The following DENND6A variants were observed in gnomAD, a reference collection of about 807,000 sequenced individuals.
The protein encoded by DENND6A is DENN domain containing 6A, also known as protein DENND6A.
In DENND6A, 43 loss-of-function variants were observed where a neutral mutation model predicts 95.5. The ratio of observed to expected loss-of-function variants is 0.45; its 90% CI spans 0.35 to 0.58. The LOEUF (loss-of-function observed/expected upper bound fraction) is 0.58, where lower values mean the gene tolerates loss of function less well. DENND6A is among the 20% of genes least tolerant of loss of function. DENND6A has a pLI of 0.00. For synonymous variants in DENND6A, 257 were observed against 260.4 expected, an observed-to-expected ratio of 0.99 and a Z score of 0.13; for missense variants, 574 against 736.0, an observed-to-expected ratio of 0.78 and a Z score of 2.55.
At chr3:57,678,762 C>A (rs7616604) in intron 1 of DENND6A, among the ~76,000 whole-genome samples, 1 of 152,120 alleles carries the variant, frequency 6.6e-6, no homozygotes, top group African/African-American at 2.4e-5. Flanking sequence ...TAAGCAACTT[C>A]ATTTTAAACT....
rs55790297 is a variant in DENND6A at position 57,659,098 on chromosome 3, C to T, written c.762+20G>A. 0.019 allele frequency: 30,978 copies of T among 1,613,254 alleles called. 402 individuals are homozygous for T. Among genetic ancestry groups the T allele is most frequent in the Admixed American group, 0.022 (1,326 of 60,016 alleles). On this transcript the variant is annotated intron_variant, in intron 8 of 19. Coordinates refer to ENST00000311128, the MANE Select transcript of DENND6A (RefSeq NM_152678.3). ...GAGACTATATATGTGCTGGATCATT[C>T]TACCATAGTACCACACTACCTGCTG...
chr3:57,661,031 T>C (rs984503994), intron 6 of DENND6A, among the ~76,000 whole-genome samples, 192 bp from the exon 7 acceptor site: 1 of 152,192 alleles, frequency 6.6e-6, no homozygotes, highest in African/African-American at 2.4e-5. Flanking sequence ...ACACATGTTC[T>C]AGGATATAAA....
intron 1 of DENND6A, among the ~76,000 whole-genome samples, chr3:57,680,499 A>G (rs1394301467): frequency 2.0e-5 from 3 of 152,176 alleles, no homozygotes; most frequent in Non-Finnish European, 4.4e-5. Flanking sequence ...TATGAATCAG[A>G]AAGAGTACCC....
chr3:57,631,289 C>T (rs555453886), intron 15 of DENND6A: 113 of 212,294 alleles, frequency 5.3e-4, no homozygotes, highest in Non-Finnish European at 7.7e-4. Context: ...CTCTGCCCCC[C>T]GGGTTCAAGC....
intron 1 of DENND6A, among the ~76,000 whole-genome samples, chr3:57,675,927 C>T (rs904496716): frequency 1.3e-5 from 2 of 152,122 alleles, no homozygotes; most frequent in African/African-American, 4.8e-5. Flanking sequence ...GATTTTCAAA[C>T]ATTATACCGG....
chr3:57,660,344 T>A (rs143853226), intron 7 of DENND6A, among the ~76,000 whole-genome samples: 81 of 152,080 alleles, frequency 5.3e-4, no homozygotes, highest in African/African-American at 1.8e-3. Context: ...CCATGCCCCG[T>A]TAATTTTTTT....
At chr3:57,658,306 A>G (rs2071365153) in intron 8 of DENND6A, among the ~76,000 whole-genome samples, 1 of 151,992 alleles carries the variant, frequency 6.6e-6, no homozygotes. Flanking sequence ...AGGAAGGAGG[A>G]TCACTTGATG....
rs960970966 is a variant in DENND6A, at chr3:57,660,931, A to G, written c.620-92T>C. 7.8e-5 allele frequency: 88 copies of G among 1,125,204 alleles called. No homozygotes were observed. In the African/African-American group the frequency reaches 1.2e-3, roughly 16 times the overall value. The allele number at this position is 1,125,204 out of a possible 1,614,324, so 69.7% of individuals were successfully genotyped here. Reference sequence around the variant, plus strand: ...TAGAAATAAGAACACTACTTTCCATACAGCAGAAAAAATATACCTGGAAGA... The same window carrying G: ...TAGAAATAAGAACACTACTTTCCATGCAGCAGAAAAAATATACCTGGAAGA... On this transcript the variant is annotated intron_variant, in intron 6 of 19. Coordinates refer to ENST00000311128, the MANE Select transcript of DENND6A (RefSeq NM_152678.3).
At position 57,625,783 on chromosome 3, in the gene DENND6A, A is replaced by G. The variant is rs1379560444; in HGVS notation, c.*2431T>C. On this transcript the variant is annotated 3_prime_UTR_variant, in exon 20 of 20. Transcript: ENST00000311128. ...AACTAGGTATGATATGGTTTTCAAC[A>G]TGTGTTAGGTTTCAGTTAAATACAG... 6.6e-6 allele frequency: 1 copy of G among 152,558 alleles called. No homozygotes were observed. The highest frequency in any genetic ancestry group is 1.9e-4 in the East Asian group (1 of 5,198). The allele number at this position is 152,558 out of a possible 1,614,324, so 9.5% of individuals were successfully genotyped here. A position where few individuals can be genotyped will look rare whatever the true frequency, so the allele number is the denominator to read the frequency against.
chr3:57,682,667 T>C (rs979313348), intron 1 of DENND6A, among the ~76,000 whole-genome samples: 1 of 151,930 alleles, frequency 6.6e-6, no homozygotes, highest in Non-Finnish European at 1.5e-5. Flanking sequence ...ACTGACTATA[T>C]GGTTTTTTTT....
chr3:57,692,571 G>C (rs1300650048), intron 1 of DENND6A, among the ~76,000 whole-genome samples: 1 of 152,244 alleles, frequency 6.6e-6, no homozygotes, highest in African/African-American at 2.4e-5. Flanking sequence ...GAGGGGCCTA[G>C]AGAGAACTTT....
At chr3:57,667,963 G>A (rs2071551176) in intron 3 of DENND6A, among the ~76,000 whole-genome samples, 1 of 152,038 alleles carries the variant, frequency 6.6e-6, no homozygotes, top group Non-Finnish European at 1.5e-5. Flanking sequence ...CTACTCAGGA[G>A]GCTGAGGCAG....
rs1300366529 is a variant in DENND6A at position 57,626,079 on chromosome 3, T to C, written c.*2135A>G. ...ACTTTTAGCATATAAAAGTAGTTGCTCCTTTTCTGAAAAGTCAGCTGTTGT... is the reference window on the plus strand; with the variant it reads ...ACTTTTAGCATATAAAAGTAGTTGCCCCTTTTCTGAAAAGTCAGCTGTTGT... On this transcript the variant is annotated 3_prime_UTR_variant, in exon 20 of 20. Transcript: ENST00000311128. The C allele has an allele frequency of 6.5e-6, 1 of 152,778 alleles. No homozygotes were observed. The highest frequency in any genetic ancestry group is 2.1e-4 in the South Asian group (1 of 4,834). The allele number at this position is 152,778 out of a possible 1,614,324, so 9.5% of individuals were successfully genotyped here. A position where few individuals can be genotyped will look rare whatever the true frequency, so the allele number is the denominator to read the frequency against.
chr3:57,688,221 C>G (rs2077229020), intron 1 of DENND6A, among the ~76,000 whole-genome samples: 1 of 152,050 alleles, frequency 6.6e-6, no homozygotes, highest in Non-Finnish European at 1.5e-5. Context: ...GTCTCGAACT[C>G]CTGACCTCAA....
chr3:57,636,080 CTG>C (rs1403155858), intron 12 of DENND6A, among the ~76,000 whole-genome samples: 1 of 152,098 alleles, frequency 6.6e-6, no homozygotes, highest in African/African-American at 2.4e-5. Context: ...TGTTAATTGA[CTG>C]TTTATGTTAT....
chr3:57,679,614 G>C lies in DENND6A; in HGVS notation c.238-7176C>G, dbSNP rs988964833. On this transcript the variant is annotated intron_variant, in intron 1 of 19. Transcript: ENST00000311128. ...TTTGGTCCTAATTAGATGTGTCCTT[G>C]TGGGAAATCATTAGCCAGTCTATGC... 5.2e-6 allele frequency: 5 copies of C among 962,976 alleles called. No homozygotes were observed. In the Admixed American group the frequency reaches 1.8e-4, roughly 36 times the overall value. 59.7% of individuals were successfully genotyped at this position (962,976 alleles called of 1,614,324 possible). A position where few individuals can be genotyped will look rare whatever the true frequency, so the allele number is the denominator to read the frequency against.
intron 9 of DENND6A, among the ~76,000 whole-genome samples, chr3:57,652,056 AAAAT>A (rs944688592): frequency 1.3e-5 from 2 of 152,130 alleles, no homozygotes; most frequent in African/African-American, 4.8e-5. Flanking sequence ...AATAAAAATA[AAAAT>A]AAATAAATAA....
At chr3:57,652,182 T>C (rs1350584200) in intron 9 of DENND6A, among the ~76,000 whole-genome samples, 1 of 152,178 alleles carries the variant, frequency 6.6e-6, no homozygotes, top group African/African-American at 2.4e-5. Flanking sequence ...CAGAATACGG[T>C]AGAAATGACA....
At chr3:57,665,152 G>A (rs6445919) in intron 4 of DENND6A, among the ~76,000 whole-genome samples, 113,882 of 151,932 alleles carry the variant, frequency 0.75, 44,700 homozygotes, top group East Asian at 1. Context: ...CTTTGATGAT[G>A]AAGTTCTTAT....
Sources: allele counts gnomAD v4.1 joint callset (sites outside exome capture counted in the v4.1 genomes callset), GRCh38; gene constraint gnomAD v4.1.1; transcripts MANE v1.5; gene names NCBI Gene and HGNC (gene_info 2026-07-23, HGNC 2026-07-21).